RMND5B: variants seen among roughly 807,000 people sequenced by gnomAD.
RMND5B encodes E3 ubiquitin-protein transferase RMND5B.
Under a neutral mutation model 50.4 loss-of-function variants are expected in RMND5B, and 42 were observed. The observed-to-expected ratio is 0.83, with a 90% CI of 0.65 to 1.08. The LOEUF (loss-of-function observed/expected upper bound fraction) is 1.08. Among genes scored for constraint, RMND5B ranks in the 50% least tolerant of loss-of-function variants. RMND5B has a pLI of 0.00. For synonymous variants in RMND5B, 220 were observed against 210.0 expected, an observed-to-expected ratio of 1.05 and a Z score of -0.41; for missense variants, 463 against 508.5, an observed-to-expected ratio of 0.91 and a Z score of 0.86.
At chr5:178,139,328 C>T (rs762918173) in intron 3 of RMND5B, among the ~76,000 whole-genome samples, 1 of 151,312 alleles carries the variant, frequency 6.6e-6, no homozygotes, top group African/African-American at 2.4e-5. Flanking sequence ...GCCTCAGCTT[C>T]CCGAGTAGCT....
intron 3 of RMND5B, among the ~76,000 whole-genome samples, chr5:178,140,081 G>C (rs12654362): frequency 1.3e-5 from 2 of 152,152 alleles, no homozygotes; most frequent in Admixed American, 1.3e-4. Context: ...TCATTACTTA[G>C]GTTTTGCATT....
chr5:178,148,323 T>C lies in RMND5B; in HGVS notation c.*291T>C. 4.2e-6 allele frequency: 2 copies of C among 476,448 alleles called. No homozygotes were observed. Among genetic ancestry groups the C allele is most frequent in the Non-Finnish European group, 7.7e-6 (2 of 259,072 alleles). The allele number at this position is 476,448 out of a possible 1,614,324, so 29.5% of individuals were successfully genotyped here. ...TTTGACTTAGTAGCAACCGACAGAG[T>C]GGCAAGGGATTTGGTCTTCAGCAGT... On this transcript the variant is annotated 3_prime_UTR_variant, in exon 11 of 11. Transcript: ENST00000313386.
Position 178,148,238 on chromosome 5 carries a change from A to G in RMND5B, c.*206A>G, listed in dbSNP as rs1400410996. The G allele has an allele frequency of 1.6e-6, 1 of 606,838 alleles. No homozygotes were observed. Among genetic ancestry groups the G allele is most frequent in the Admixed American group, 2.9e-5 (1 of 34,834 alleles). 37.6% of individuals were successfully genotyped at this position (606,838 alleles called of 1,614,324 possible). ...CACGCCTGGCACCTGGCTCCATGGC[A>G]TAAGGAAAGGGAGATGCTGGCCTCT... On this transcript the variant is annotated 3_prime_UTR_variant, in exon 11 of 11. Coordinates refer to ENST00000313386, the MANE Select transcript of RMND5B (RefSeq NM_022762.5).
chr5:178,149,985 T>G lies in RMND5B; in HGVS notation c.*1953T>G, dbSNP rs1233879471. The G allele has an allele frequency of 5.9e-6, 5 of 847,294 alleles. No homozygotes were observed. Among genetic ancestry groups the G allele is most frequent in the Non-Finnish European group, 9.1e-6 (5 of 546,970 alleles). The allele number at this position is 847,294 out of a possible 1,614,324, so 52.5% of individuals were successfully genotyped here. A position where few individuals can be genotyped will look rare whatever the true frequency, so the allele number is the denominator to read the frequency against. On this transcript the variant is annotated 3_prime_UTR_variant, in exon 11 of 11. Coordinates refer to ENST00000313386, the MANE Select transcript of RMND5B (RefSeq NM_022762.5). ...CTATTTAAAAGCATCTTGAATTGGTTGCCATCATTTAAACTCAATCAGACT... is the reference window on the plus strand; with the variant it reads ...CTATTTAAAAGCATCTTGAATTGGTGGCCATCATTTAAACTCAATCAGACT...
chr5:178,145,684 C>G (rs1755964785), intron 7 of RMND5B, among the ~76,000 whole-genome samples: 1 of 152,146 alleles, frequency 6.6e-6, no homozygotes, highest in African/African-American at 2.4e-5. Flanking sequence ...GGATTATAGG[C>G]ATGAGCCACC....
chr5:178,143,529 G>A (rs1243519102), intron 5 of RMND5B, 98 bp from the exon 6 acceptor site: 1 of 944,356 alleles, frequency 1.1e-6, no homozygotes. Context: ...CCAGCTCTCT[G>A]GCCTGTCTTT....
chr5:178,150,420 G>A lies in RMND5B; in HGVS notation c.*2388G>A, dbSNP rs1035281127. The A allele has an allele frequency of 6.7e-5, 21 of 314,828 alleles. No individual in the cohort carries two copies. Among genetic ancestry groups the A allele is most frequent in the African/African-American group, 4.6e-4 (21 of 46,050 alleles). The allele number at this position is 314,828 out of a possible 1,614,324, so 19.5% of individuals were successfully genotyped here. A position where few individuals can be genotyped will look rare whatever the true frequency, so the allele number is the denominator to read the frequency against. On this transcript the variant is annotated 3_prime_UTR_variant, in exon 11 of 11. Transcript: ENST00000313386. ...TTGAGACAGGGCCTCACTCTGTCAT[G>A]CAGTCTGGAGTGTGGTGGTGTATGA...
intron 2 of RMND5B, among the ~76,000 whole-genome samples, chr5:178,134,195 A>C (rs1758492580): frequency 6.6e-6 from 1 of 152,012 alleles, no homozygotes. Flanking sequence ...TGGTGTGGCC[A>C]CTCTTGCCAG....
chr5:178,146,021 C>A, intron 7 of RMND5B, 93 bp from the exon 8 acceptor site: 1 of 1,321,258 alleles, frequency 7.6e-7, no homozygotes. Flanking sequence ...CCGGGCTCAG[C>A]ATATTGTGCT....
At chr5:178,135,394 A>G (rs1285096424) in intron 2 of RMND5B, 1 of 161,448 alleles carries the variant, frequency 6.2e-6, no homozygotes, top group Non-Finnish European at 1.4e-5. Flanking sequence ...AAATGCTGAG[A>G]TTACAGGTGT....
At position 178,148,056 on chromosome 5, in the gene RMND5B, T is replaced by G. The variant is rs1468843182; in HGVS notation, c.*24T>G. On this transcript the variant is annotated 3_prime_UTR_variant, in exon 11 of 11. Coordinates refer to ENST00000313386, the MANE Select transcript of RMND5B (RefSeq NM_022762.5). ...GATTCCTACCTGGAAGGAATTTTGT[T>G]GAAAGGGGTTTTCACCTGTGAGCCT... 6.2e-7 allele frequency: 1 copy of G among 1,611,172 alleles called. No homozygotes were observed. Among genetic ancestry groups the G allele is most frequent in the Non-Finnish European group, 8.5e-7 (1 of 1,177,538 alleles).
At chr5:178,143,835 CCT>C in intron 6 of RMND5B, 105 bp from the exon 7 acceptor site, 13 of 1,477,956 alleles carry the variant, frequency 8.8e-6, no homozygotes, top group Non-Finnish European at 1.0e-5. Flanking sequence ...TGCCTGCAGC[CCT>C]GTCTCAAGAG....
chr5:178,149,849 G>A lies in RMND5B; in HGVS notation c.*1817G>A, dbSNP rs1028921372. ...GGCTGCACCCAGGTCCTACAGAGGG[G>A]AAAGAAGTGCTGTTTGGAAAAAAGC... On this transcript the variant is annotated 3_prime_UTR_variant, in exon 11 of 11. Coordinates refer to ENST00000313386, the MANE Select transcript of RMND5B (RefSeq NM_022762.5). 1 of 1,613,068 alleles carries A rather than the reference G, an allele frequency of 6.2e-7. No homozygotes were observed. The highest frequency in any genetic ancestry group is 1.1e-5 in the South Asian group (1 of 90,920).
Position 178,138,440 on chromosome 5 carries a change from T to G in RMND5B, c.139+182T>G, listed in dbSNP as rs1009476038. 7.3e-7 allele frequency: 1 copy of G among 1,369,894 alleles called. No homozygotes were observed. Among genetic ancestry groups the G allele is most frequent in the East Asian group, 2.8e-5 (1 of 36,044 alleles). 84.9% of individuals were successfully genotyped at this position (1,369,894 alleles called of 1,614,324 possible). A position where few individuals can be genotyped will look rare whatever the true frequency, so the allele number is the denominator to read the frequency against. On this transcript the variant is annotated intron_variant, in intron 3 of 10. Transcript: ENST00000313386. The surrounding 1 kb of genome is among the most constrained non-coding windows in gnomAD (Gnocchi z 5.1). ...CTACTTCAAAAAGCCCAACAAATTA[T>G]TAATTTACCTGAGATGATTCCCATT...
At chr5:178,143,242 G>A (rs1208609197) in intron 5 of RMND5B, among the ~76,000 whole-genome samples, 1 of 152,236 alleles carries the variant, frequency 6.6e-6, no homozygotes, top group Non-Finnish European at 1.5e-5. Context: ...AAAGGGAGCT[G>A]AGTGAAATGA....
Position 178,146,277 on chromosome 5 carries a change from C to A in RMND5B, c.858C>A (p.Val286=). 6.2e-7 allele frequency: 1 copy of A among 1,613,846 alleles called. No individual in the cohort carries two copies. Residue 286 remains valine, a splice_region_variant and synonymous_variant, in exon 8 of 11, where the codon GTC becomes GTA. Coordinates refer to ENST00000313386, the MANE Select transcript of RMND5B (RefSeq NM_022762.5). ...LGLSVESPLS[V]SFASGCVALP... is the part of the protein sequence containing the mutation. Reference sequence around the variant, plus strand: ...TTTCTGTGGAGTCCCCCCTTAGCGTCAGGTACAACCCAGCCCTGTGAGGGC... The same window carrying A: ...TTTCTGTGGAGTCCCCCCTTAGCGTAAGGTACAACCCAGCCCTGTGAGGGC...
chr5:178,140,786 C>T (rs1366162971), intron 3 of RMND5B, among the ~76,000 whole-genome samples: 3 of 150,602 alleles, frequency 2.0e-5, no homozygotes, highest in East Asian at 3.9e-4. Context: ...GCCAAGATCG[C>T]GCCACTGCAT....
intron 2 of RMND5B, among the ~76,000 whole-genome samples, chr5:178,131,974 G>T (rs1249679905): frequency 6.6e-6 from 1 of 152,196 alleles, no homozygotes. Context: ...TTAAGCAGAG[G>T]AGTGACATGT....
At chr5:178,139,310 A>G (rs1285580626) in intron 3 of RMND5B, among the ~76,000 whole-genome samples, 2 of 151,332 alleles carry the variant, frequency 1.3e-5, no homozygotes, top group Admixed American at 6.6e-5. Flanking sequence ...GGTTCAAGCA[A>G]TTCTCGTGCC....
Sources: gnomAD v4.1 joint callset for allele counts (sites outside exome capture counted in the v4.1 genomes callset) on GRCh38, gnomAD v4.1.1 for gene constraint, Gnocchi (gnomAD v3.1) non-coding constraint, MANE v1.5 for transcripts, NCBI Gene and HGNC (gene_info 2026-07-23, HGNC 2026-07-21) for gene names.